ANKRD46: variants seen among roughly 807,000 people sequenced by gnomAD.
ANKRD46 encodes the protein ankyrin repeat domain 46.
A neutral mutation model predicts 19.8 loss-of-function variants in ANKRD46; 13 were observed. The observed-to-expected ratio is 0.66, with a 90% confidence interval of 0.43 to 1.04. The LOEUF (loss-of-function observed/expected upper bound fraction) is 1.04. Ranked by LOEUF, ANKRD46 falls within the 50% of genes least tolerant of loss-of-function variation. The pLI is 0.00. For synonymous variants in ANKRD46, 91 were observed against 106.9 expected, an observed-to-expected ratio of 0.85 and a Z score of 0.92; for missense variants, 185 against 274.8, an observed-to-expected ratio of 0.67 and a Z score of 2.31.
In ANKRD46 at chr8:100,559,550, C is replaced by G. The variant is rs988680103; in HGVS notation, c.-131+161G>C. The G allele has an allele frequency of 2.0e-5, 3 of 152,296 alleles. No homozygotes were observed. The highest frequency in any genetic ancestry group is 4.4e-5 in the Non-Finnish European group (3 of 68,146). The allele number at this position is 152,296 out of a possible 1,614,324, so 9.4% of individuals were successfully genotyped here. ...CACGGACCCGCGGTCGCTTCCTCGG[C>G]CCGGCTCCCTCCAGTCGCCGCGGAA... On this transcript the variant is annotated intron_variant, in intron 1 of 4. Transcript: ENST00000335659. This position sits in a 1 kb window ranked among gnomAD's most constrained non-coding sequence, Gnocchi z 6.0.
Position 100,522,685 on chromosome 8 carries a change from A to G in ANKRD46, c.557T>C (p.Phe186Ser). ...LSSFRTTWQE[F>S]VEDLGFWRVL... ...TCTCCAGAAGCCCAGATCCTCCACA[A>G]ACTCCTGCCACGTGGTTCGGAAGCT... The change falls in exon 5 of 5, where the codon TTT (phenylalanine) becomes TCT (serine). Residue 186 changes from phenylalanine to serine, a missense_variant. Phe to Ser is a radical substitution (Grantham distance 155). Coordinates refer to ENST00000335659, the MANE Select transcript of ANKRD46 (RefSeq NM_001270377.2). 1 of 1,614,066 alleles carries G rather than the reference A, an allele frequency of 6.2e-7. No individual in the cohort carries two copies. The highest frequency in any genetic ancestry group is 1.1e-5 in the South Asian group (1 of 91,066).
rs1362129848 is a variant in ANKRD46, at chr8:100,511,297, C to T, written c.637-658G>A. Among the ~76,000 whole-genome samples the T allele has an allele frequency of 6.6e-6, 1 of 152,202 alleles. No homozygotes were observed. Among genetic ancestry groups the T allele is most frequent in the East Asian group, 1.9e-4 (1 of 5,198 alleles). On this transcript the variant is annotated intron_variant, in intron 5 of 5. Coordinates refer to the ANKRD46 transcript ENST00000520552. The surrounding 1 kb of genome is among the most constrained non-coding windows in gnomAD (Gnocchi z 4.1). The stretch of plus-strand genomic sequence containing the variant: ...ATAGTGTAGGCTGGGGATCCAAACC[C>T]AGGTCTGCCTGAGTGCGAGACCCCT...
chr8:100,520,657 C>A (rs1431567052), downstream of ANKRD46: 4 of 304,268 alleles, frequency 1.3e-5, no homozygotes, highest in African/African-American at 2.4e-5. Flanking sequence ...ATACCTAATA[C>A]ATTAGGTTTG....
At chr8:100,538,338 T>G (rs1473174907) in intron 1 of ANKRD46, among the ~76,000 whole-genome samples, 1 of 152,206 alleles carries the variant, frequency 6.6e-6, no homozygotes, top group Non-Finnish European at 1.5e-5. Flanking sequence ...AAATTGCATC[T>G]ATACTGAACA....
intron 1 of ANKRD46, among the ~76,000 whole-genome samples, chr8:100,535,683 T>A (rs2130671197): frequency 6.6e-6 from 1 of 152,346 alleles, no homozygotes; most frequent in East Asian, 1.9e-4. Context: ...GATTGGTCTT[T>A]TCACTCAGTA....
intron 1 of ANKRD46, among the ~76,000 whole-genome samples, chr8:100,548,959 A>C (rs535812507): frequency 1.3e-5 from 2 of 152,288 alleles, no homozygotes; most frequent in East Asian, 1.9e-4. Flanking sequence ...ATAGAAATGC[A>C]ATATGATATA....
rs1361130868 is a variant in ANKRD46 at position 100,527,669 on chromosome 8, T to TA, written c.470+175dup. ...ATATTAAAGTTCACAAAGTTAACCA[T>TA]AAATCCACATACTTAAAGTGACTTT... On this transcript the variant is annotated intron_variant, in intron 4 of 4. Transcript: ENST00000335659. This position sits in a 1 kb window ranked among gnomAD's most constrained non-coding sequence, Gnocchi z 4.0. Among the ~76,000 whole-genome samples, 1 of 152,218 alleles carries TA rather than the reference T, an allele frequency of 6.6e-6. No individual in the cohort carries two copies.
intron 5 of ANKRD46, among the ~76,000 whole-genome samples, chr8:100,513,777 T>C (rs1324318974): frequency 6.6e-6 from 1 of 152,204 alleles, no homozygotes; most frequent in Non-Finnish European, 1.5e-5. Flanking sequence ...AGGGTAACAT[T>C]TAAGGATCTC....
chr8:100,528,062 T>C (rs919957095), intron 3 of ANKRD46, 59 bp from the exon 4 acceptor site: 4 of 1,437,430 alleles, frequency 2.8e-6, no homozygotes, highest in Admixed American at 2.7e-5. Flanking sequence ...ATAGCAGTTA[T>C]ACTACATTGT....
chr8:100,514,163 T>C (rs1811591456), intron 5 of ANKRD46, among the ~76,000 whole-genome samples: 1 of 152,162 alleles, frequency 6.6e-6, no homozygotes, highest in Non-Finnish European at 1.5e-5. Context: ...GCAATTATTC[T>C]TGAACCTCTA....
chr8:100,523,978 T>C (rs1811785261), intron 4 of ANKRD46, among the ~76,000 whole-genome samples: 1 of 152,224 alleles, frequency 6.6e-6, no homozygotes, highest in South Asian at 2.1e-4. Context: ...TTCTTCCTAT[T>C]GGTGTTAGTT....
At chr8:100,538,843 C>T (rs558802810) in intron 1 of ANKRD46, among the ~76,000 whole-genome samples, 2 of 152,188 alleles carry the variant, frequency 1.3e-5, no homozygotes, top group African/African-American at 2.4e-5. Flanking sequence ...CACAGAGAGA[C>T]AATTTTCTTG....
rs530064891 is a variant in ANKRD46, at chr8:100,559,426, G to C, written c.-131+285C>G. On this transcript the variant is annotated intron_variant, in intron 1 of 4. Transcript: ENST00000335659. The surrounding 1 kb of genome is among the most constrained non-coding windows in gnomAD (Gnocchi z 6.0). ...GAGCCAGGGCTGCCCGCGCTGCCCA[G>C]GGGTTCCCCGGACCACAGCCCTAAC... is the stretch of plus-strand genomic sequence containing the variant. 1 of 152,440 alleles carries C rather than the reference G, an allele frequency of 6.6e-6. No homozygotes were observed. The highest frequency in any genetic ancestry group is 6.5e-5 in the Admixed American group (1 of 15,280). The allele number at this position is 152,440 out of a possible 1,614,324, so 9.4% of individuals were successfully genotyped here.
At position 100,545,301 on chromosome 8, in the gene ANKRD46, T is replaced by C. The variant is rs779536114; in HGVS notation, c.-130-11990A>G. Among the ~76,000 whole-genome samples, 1 of 152,234 alleles carries C rather than the reference T, an allele frequency of 6.6e-6. No homozygotes were observed. Among genetic ancestry groups the C allele is most frequent in the South Asian group, 2.1e-4 (1 of 4,816 alleles). ...CATTTTAAATTGTAGTCCCCACATA[T>C]CAAGGAAGGGACCTGGTGGGAGGTG... is the stretch of plus-strand genomic sequence containing the variant. On this transcript the variant is annotated intron_variant, in intron 1 of 4. Coordinates refer to ENST00000335659, the MANE Select transcript of ANKRD46 (RefSeq NM_001270377.2). This position sits in a 1 kb window ranked among gnomAD's most constrained non-coding sequence, Gnocchi z 4.7.
At position 100,512,806 on chromosome 8, in the gene ANKRD46, A is replaced by G. The variant is rs191231337; in HGVS notation, c.637-2167T>C. On this transcript the variant is annotated intron_variant, in intron 5 of 5. Transcript: ENST00000520552. ...GAACTCAATCAAAATCATCCTCTTG[A>G]GTGTCACAGGATGTGCATTGGGCAT... Among the ~76,000 whole-genome samples the G allele has an allele frequency of 6.5e-3, 990 of 152,350 alleles. 7 individuals carry two copies. Among genetic ancestry groups the G allele is most frequent in the Non-Finnish European group, 9.8e-3 (669 of 68,032 alleles).
chr8:100,547,583 C>T (rs192195453), intron 1 of ANKRD46, among the ~76,000 whole-genome samples: 1 of 152,168 alleles, frequency 6.6e-6, no homozygotes, highest in Non-Finnish European at 1.5e-5. Context: ...GATCATGCCA[C>T]AGCACTCCAG....
rs1812221726 is a variant in ANKRD46 at position 100,543,838 on chromosome 8, T to G, written c.-130-10527A>C. 6.6e-6 allele frequency among the ~76,000 whole-genome samples: 1 copy of G among 152,208 alleles called. No homozygotes were observed. The highest frequency in any genetic ancestry group is 1.5e-5 in the Non-Finnish European group (1 of 68,036). On this transcript the variant is annotated intron_variant, in intron 1 of 4. Transcript: ENST00000335659. The surrounding 1 kb of genome is among the most constrained non-coding windows in gnomAD (Gnocchi z 4.2). ...TCTTCAGTGATACTATCAAAATAAA[T>G]CTATTCCAAATACATCTAAATATTT...
At chr8:100,554,849 T>A (rs1812462164) in intron 1 of ANKRD46, 2 of 151,774 alleles carry the variant, frequency 1.3e-5, no homozygotes, top group Non-Finnish European at 1.5e-5. Flanking sequence ...CTGGCCAACA[T>A]GATGAAACCC....
rs1277474823 is a variant in ANKRD46, at chr8:100,534,416, T to A, written c.-130-1105A>T. 6.6e-6 allele frequency among the ~76,000 whole-genome samples: 1 copy of A among 152,220 alleles called. No homozygotes were observed. Among genetic ancestry groups the A allele is most frequent in the Non-Finnish European group, 1.5e-5 (1 of 68,032 alleles). On this transcript the variant is annotated intron_variant, in intron 1 of 4. Coordinates refer to ENST00000335659, the MANE Select transcript of ANKRD46 (RefSeq NM_001270377.2). This position sits in a 1 kb window ranked among gnomAD's most constrained non-coding sequence, Gnocchi z 4.2. ...CGCTCCTCATTTCCTACTTCTTTTG[T>A]GATACCACAGTATCAATTTAGACGA...
Sources: gnomAD v4.1 joint callset for allele counts (sites outside exome capture counted in the v4.1 genomes callset) on GRCh38, gnomAD v4.1.1 for gene constraint, Gnocchi (gnomAD v3.1) non-coding constraint, MANE v1.5 for transcripts, NCBI Gene and HGNC (gene_info 2026-07-23, HGNC 2026-07-21) for gene names.